NELL1: variants seen among roughly 807,000 people sequenced by gnomAD.
NELL1 encodes the protein neural EGFL like 1.
Under a neutral mutation model 107.4 loss-of-function variants are expected in NELL1, and 76 were observed. That is an observed-to-expected ratio of 0.71 (90% CI 0.59 to 0.86). The LOEUF is 0.86. NELL1 is among the 40% of genes least tolerant of loss of function. NELL1 has a pLI of 0.00. For missense variants in NELL1, 1,024 were observed against 1,005.5 expected (o/e 1.02, Z -0.25); for synonymous variants, 353 against 341.2 (o/e 1.03, Z -0.38).
intron 14 of NELL1, among the ~76,000 whole-genome samples, chr11:21,238,481 T>G (rs547489706): frequency 1.3e-5 from 2 of 152,150 alleles, no homozygotes; most frequent in Admixed American, 1.3e-4. Context: ...CTGAAATCAC[T>G]GAGAAGGATG....
intron 13 of NELL1, among the ~76,000 whole-genome samples, chr11:21,215,493 A>G (rs1857593877): frequency 6.6e-6 from 1 of 152,174 alleles, no homozygotes; most frequent in Non-Finnish European, 1.5e-5. Context: ...CAGAGATTGG[A>G]ACAGTTTAGA....
chr11:20,836,528 ATGGATAAAC>A (rs1848537586), intron 3 of NELL1, among the ~76,000 whole-genome samples: 1 of 152,146 alleles, frequency 6.6e-6, no homozygotes, highest in Admixed American at 6.5e-5. Context: ...CAATAAGTAA[ATGGATAAAC>A]TGTGGTACAT....
chr11:21,128,222 G>A (rs570514515), intron 13 of NELL1, among the ~76,000 whole-genome samples: 20 of 152,126 alleles, frequency 1.3e-4, no homozygotes, highest in Non-Finnish European at 2.9e-4. Flanking sequence ...AGAAAAGCAC[G>A]TTGTAACTAG....
At chr11:20,675,046 CAGGT>C (rs1443748602) in intron 1 of NELL1, among the ~76,000 whole-genome samples, 27 of 152,150 alleles carry the variant, frequency 1.8e-4, no homozygotes, top group Admixed American at 1.8e-3. Context: ...GTTTCAAACT[CAGGT>C]AGGCTGCCCG....
chr11:21,570,669 G>C (rs1857079207), intron 17 of NELL1, 95 bp from the exon 18 acceptor site: 2 of 1,173,254 alleles, frequency 1.7e-6, no homozygotes, highest in Non-Finnish European at 2.4e-6. Flanking sequence ...GAGGTGGCCA[G>C]GGGGTGACCA....
chr11:21,513,804 A>G (rs1368050756), intron 15 of NELL1, among the ~76,000 whole-genome samples: 1 of 152,180 alleles, frequency 6.6e-6, no homozygotes, highest in Admixed American at 6.5e-5. Context: ...TATAAAATAC[A>G]TGGTTCCATA....
intron 3 of NELL1, among the ~76,000 whole-genome samples, chr11:20,828,867 G>A (rs1248392697): frequency 1.3e-5 from 2 of 152,086 alleles, no homozygotes; most frequent in Non-Finnish European, 2.9e-5. Flanking sequence ...TTTATTATAA[G>A]AATAACTCAA....
intron 2 of NELL1, among the ~76,000 whole-genome samples, chr11:20,737,934 T>G (rs547801625): frequency 1.3e-5 from 2 of 150,626 alleles, no homozygotes; most frequent in African/African-American, 4.9e-5. Context: ...TGGATTTGTT[T>G]AATGTTATTC....
chr11:21,046,758 A>G (rs1853365733), intron 12 of NELL1, among the ~76,000 whole-genome samples: 2 of 151,908 alleles, frequency 1.3e-5, no homozygotes, highest in African/African-American at 4.8e-5. Context: ...GCTGGAGTGC[A>G]GTGGTGTGGT....
chr11:21,283,044 TG>T (rs1236238099), intron 14 of NELL1, among the ~76,000 whole-genome samples: 10 of 145,878 alleles, frequency 6.9e-5, no homozygotes, highest in East Asian at 6.1e-4. Flanking sequence ...TGGGGGAGTG[TG>T]GGGGAGGTGG....
intron 15 of NELL1, among the ~76,000 whole-genome samples, chr11:21,414,546 A>G (rs1485396316): frequency 2.0e-5 from 3 of 151,886 alleles, no homozygotes; most frequent in African/African-American, 7.3e-5. Flanking sequence ...CCTCCGGTGT[A>G]CTACCTGTAT....
At chr11:21,108,340 G>A (rs1373619444) in intron 12 of NELL1, among the ~76,000 whole-genome samples, 4 of 152,054 alleles carry the variant, frequency 2.6e-5, no homozygotes, top group South Asian at 2.1e-4. Flanking sequence ...ATGGAACCTG[G>A]TGATACATGA....
chr11:21,397,212 A>G (rs1852001558), intron 15 of NELL1, among the ~76,000 whole-genome samples: 1 of 151,630 alleles, frequency 6.6e-6, no homozygotes, highest in Non-Finnish European at 1.5e-5. Context: ...TTTTATTGCC[A>G]TGCAAAGTAC....
chr11:20,691,623 A>G (rs1226654021), intron 2 of NELL1, among the ~76,000 whole-genome samples: 4 of 152,094 alleles, frequency 2.6e-5, no homozygotes, highest in Admixed American at 6.6e-5. Context: ...CTTGCATCCC[A>G]GGGATGAAGC....
chr11:20,765,444 C>G (rs1162768971), intron 2 of NELL1, among the ~76,000 whole-genome samples: 1 of 152,102 alleles, frequency 6.6e-6, no homozygotes, highest in Non-Finnish European at 1.5e-5. Flanking sequence ...CAGCCTCACA[C>G]TAGGATAAGC....
chr11:21,229,590 G>T, intron 14 of NELL1, 136 bp downstream of exon 14: 2 of 1,199,896 alleles, frequency 1.7e-6, no homozygotes, highest in East Asian at 2.6e-5. Flanking sequence ...AACTGGCAAG[G>T]GTACTGTGCG....
chr11:21,195,598 A>C (rs1453569357), intron 13 of NELL1, among the ~76,000 whole-genome samples: 2 of 150,036 alleles, frequency 1.3e-5, no homozygotes, highest in African/African-American at 2.5e-5. Context: ...AGGGCAGTTA[A>C]ATTTTAAAGT....
intron 12 of NELL1, among the ~76,000 whole-genome samples, chr11:21,057,946 G>C (rs867937932): frequency 6.6e-6 from 1 of 152,096 alleles, no homozygotes; most frequent in South Asian, 2.1e-4. Flanking sequence ...TATAGGCAGA[G>C]TTTGTTGATT....
chr11:21,095,357 G>T (rs1163789873), intron 12 of NELL1, among the ~76,000 whole-genome samples: 1 of 152,052 alleles, frequency 6.6e-6, no homozygotes, highest in African/African-American at 2.4e-5. Context: ...GTCTTCTTCC[G>T]AGCCCTGCAA....
Sources: allele counts gnomAD v4.1 joint callset (sites outside exome capture counted in the v4.1 genomes callset), GRCh38; gene constraint gnomAD v4.1.1; transcripts MANE v1.5; gene names NCBI Gene and HGNC (gene_info 2026-07-23, HGNC 2026-07-21).